The following AHRR variants were observed in gnomAD, a reference collection of about 807,000 sequenced individuals.
AHRR encodes aryl hydrocarbon receptor repressor.
Under a neutral mutation model 44.0 loss-of-function variants are expected in AHRR, and 28 were observed. That is an observed-to-expected ratio of 0.64 (90% CI 0.47 to 0.87). The LOEUF is 0.87. AHRR is among the 40% of genes least tolerant of loss of function. AHRR has a pLI of 0.00. For synonymous variants in AHRR, 434 were observed against 407.0 expected, an observed-to-expected ratio of 1.07 and a Z score of -0.80; for missense variants, 990 against 953.9, an observed-to-expected ratio of 1.04 and a Z score of -0.50.
intron 3 of AHRR, among the ~76,000 whole-genome samples, chr5:364,157 TG>T (rs1027800488): frequency 8.5e-5 from 13 of 152,218 alleles, no homozygotes; most frequent in African/African-American, 3.1e-4. Flanking sequence ...ATTTGTGGGC[TG>T]GTAGGAAATT....
intron 1 of AHRR, among the ~76,000 whole-genome samples, chr5:335,366 A>G (rs1742083101): frequency 6.6e-6 from 1 of 151,882 alleles, no homozygotes; most frequent in Non-Finnish European, 1.5e-5. Context: ...CAGCCTCCAG[A>G]CCAGCAGCTG....
At chr5:430,571 G>A (rs57989113) in intron 8 of AHRR, among the ~76,000 whole-genome samples, 4,305 of 152,370 alleles carry the variant, frequency 0.028, 120 homozygotes, top group Middle Eastern at 0.082. Flanking sequence ...CGGCACTCAC[G>A]GTGGTCTCTG....
At chr5:332,929 C>CTTTTTTTTTTTT (rs57937804) in intron 1 of AHRR, among the ~76,000 whole-genome samples, 2 of 132,060 alleles carry the variant, frequency 1.5e-5, no homozygotes, top group African/African-American at 6.0e-5. Flanking sequence ...TGACCTTTGT[C>CTTTTTTTTTTTT]TTTTTTTTTT....
chr5:426,532 CGGAT>C (rs1192214601), intron 7 of AHRR, among the ~76,000 whole-genome samples: 1 of 138,838 alleles, frequency 7.2e-6, no homozygotes. Context: ...GGGAAGATGA[CGGAT>C]GGATAGATGG....
intron 4 of AHRR, among the ~76,000 whole-genome samples, chr5:410,237 C>T (rs942601627): frequency 1.3e-5 from 2 of 152,194 alleles, no homozygotes; most frequent in African/African-American, 4.8e-5. Context: ...GTCTCTGTCA[C>T]CCAGGCTGAA....
intron 5 of AHRR, 70 bp from the exon 6 acceptor site, chr5:422,659 C>G (rs1736185204): frequency 3.1e-6 from 5 of 1,609,444 alleles, no homozygotes; most frequent in Non-Finnish European, 4.2e-6. Context: ...TTTTCGGTTA[C>G]TCGTCGGTGG....
intron 8 of AHRR, among the ~76,000 whole-genome samples, 165 bp downstream of exon 8, chr5:428,171 T>A (rs1426442946): frequency 1.3e-5 from 2 of 152,258 alleles, no homozygotes; most frequent in Non-Finnish European, 2.9e-5. Context: ...AGCGATTAGA[T>A]GAAACAATGT....
intron 4 of AHRR, among the ~76,000 whole-genome samples, chr5:407,381 G>A (rs1016282027): frequency 9.2e-5 from 14 of 152,176 alleles, no homozygotes; most frequent in East Asian, 7.7e-4. Flanking sequence ...TTTTGCACAC[G>A]TCTTAAGTTT....
At chr5:389,200 G>C (rs1161315134) in intron 4 of AHRR, among the ~76,000 whole-genome samples, 1 of 151,844 alleles carries the variant, frequency 6.6e-6, no homozygotes, top group East Asian at 1.9e-4. Flanking sequence ...GTCGAAGGCG[G>C]GGGTGAGGGA....
At chr5:376,561 GCCA>G in intron 3 of AHRR, 46 bp from the exon 4 acceptor site, 2 of 1,479,904 alleles carry the variant, frequency 1.4e-6, no homozygotes, top group Non-Finnish European at 1.8e-6. Flanking sequence ...AAGAAGAGTG[GCCA>G]GGCCAAGGGT....
intron 4 of AHRR, among the ~76,000 whole-genome samples, chr5:392,521 C>T (rs1380149074): frequency 5.3e-5 from 8 of 152,094 alleles, no homozygotes; most frequent in East Asian, 1.9e-4. Context: ...GCAGACGCGG[C>T]GTCCACAGCC....
At chr5:344,942 G>GTGT (rs1491192737) in intron 2 of AHRR, among the ~76,000 whole-genome samples, 1 of 80,782 alleles carries the variant, frequency 1.2e-5, no homozygotes, top group African/African-American at 5.2e-5. Context: ...AGCTGTGTGT[G>GTGT]GGGGGGGTGT....
chr5:421,197 C>T, intron 5 of AHRR: 2 of 656,958 alleles, frequency 3.0e-6, no homozygotes, highest in Non-Finnish European at 5.5e-6. Flanking sequence ...GGCAGGAGGC[C>T]CTTGCGGACC....
At chr5:348,599 G>T (rs932200984) in intron 2 of AHRR, among the ~76,000 whole-genome samples, 1 of 152,124 alleles carries the variant, frequency 6.6e-6, no homozygotes, top group African/African-American at 2.4e-5. Flanking sequence ...GGCATTTTGT[G>T]CAAATGGAAT....
intron 2 of AHRR, 40 bp from the exon 3 acceptor site, chr5:353,690 T>C: frequency 1.3e-6 from 2 of 1,567,830 alleles, no homozygotes; most frequent in South Asian, 2.3e-5. Flanking sequence ...CTGTGGCTTC[T>C]GGTGGAGAAG....
intron 2 of AHRR, among the ~76,000 whole-genome samples, chr5:347,611 T>C (rs921973832): frequency 1.3e-5 from 2 of 152,190 alleles, no homozygotes; most frequent in African/African-American, 4.8e-5. Context: ...AGTCGTGAAA[T>C]GTTTTCCAAC....
chr5:335,914 C>G (rs556568433), intron 1 of AHRR, among the ~76,000 whole-genome samples: 2 of 152,222 alleles, frequency 1.3e-5, no homozygotes, highest in Non-Finnish European at 1.5e-5. Flanking sequence ...GTGCTGGGAG[C>G]TGCAGCCCAT....
intron 5 of AHRR, among the ~76,000 whole-genome samples, chr5:421,495 A>C (rs1420231036): frequency 6.6e-6 from 1 of 152,184 alleles, no homozygotes; most frequent in Non-Finnish European, 1.5e-5. Context: ...GTTTTCTTGA[A>C]GGTGACTCAC....
At chr5:432,317 C>A in intron 8 of AHRR, 146 bp from the exon 9 acceptor site, 2 of 720,278 alleles carry the variant, frequency 2.8e-6, no homozygotes, top group Admixed American at 2.5e-5. Flanking sequence ...AAGAATTAAA[C>A]AAGAGTGAAC....
Sources: gnomAD v4.1 joint callset for allele counts (sites outside exome capture counted in the v4.1 genomes callset) on GRCh38, gnomAD v4.1.1 for gene constraint, MANE v1.5 for transcripts, NCBI Gene and HGNC (gene_info 2026-07-23, HGNC 2026-07-21) for gene names.